Variants in LGR6 observed in about 807,000 individuals in gnomAD.
LGR6 encodes leucine rich repeat containing G protein-coupled receptor 6.
A neutral mutation model predicts 69.4 loss-of-function variants in LGR6; 45 were observed. The ratio of observed to expected loss-of-function variants is 0.65; its 90% CI spans 0.51 to 0.83. The LOEUF (loss-of-function observed/expected upper bound fraction) is 0.83. LGR6 is among the 40% of genes least tolerant of loss of function. The probability of loss-of-function intolerance (pLI) is 0.00; values close to 1 mark genes in which losing one functional copy is unlikely to be tolerated. For missense variants in LGR6, 1,108 were observed against 1,246.7 expected (o/e 0.89, Z 1.68); for synonymous variants, 538 against 555.0 (o/e 0.97, Z 0.43).
chr1:202,279,668 T>G (rs1234697257), intron 5 of LGR6, among the ~76,000 whole-genome samples: 1 of 152,260 alleles, frequency 6.6e-6, no homozygotes, highest in Non-Finnish European at 1.5e-5. Context: ...TTGGATTCTC[T>G]GCTCCAGAAA....
chr1:202,237,185 C>G (rs925923150), intron 4 of LGR6, among the ~76,000 whole-genome samples: 2 of 152,182 alleles, frequency 1.3e-5, no homozygotes, highest in African/African-American at 4.8e-5. Flanking sequence ...CAGCTTCTGC[C>G]CCCCCTTCCC....
At chr1:202,269,353 C>T (rs1664915768) in intron 4 of LGR6, among the ~76,000 whole-genome samples, 1 of 152,120 alleles carries the variant, frequency 6.6e-6, no homozygotes, top group South Asian at 2.1e-4. Context: ...AATTCAGCAA[C>T]CTGAGTTTGT....
chr1:202,306,953 T>C lies in LGR6; in HGVS notation c.1208+14T>C. On this transcript the variant is annotated intron_variant, in intron 13 of 17. Transcript: ENST00000367278. ...CCTGCAAGCCCTGTGAGTACCCACA[T>C]CCAGGGGTGGGCCATGGAGGAGCCA... The C allele has an allele frequency of 1.2e-6, 2 of 1,608,096 alleles. No individual in the cohort carries two copies. The highest frequency in any genetic ancestry group is 1.7e-6 in the Non-Finnish European group (2 of 1,174,584).
At chr1:202,226,773 G>C (rs1660585803) in intron 2 of LGR6, among the ~76,000 whole-genome samples, 1 of 152,244 alleles carries the variant, frequency 6.6e-6, no homozygotes. Context: ...TTCTGTGTAA[G>C]GGAGTGGTCA....
intron 6 of LGR6, among the ~76,000 whole-genome samples, chr1:202,286,289 A>G (rs1666388489): frequency 6.6e-6 from 1 of 152,234 alleles, no homozygotes; most frequent in African/African-American, 2.4e-5. Flanking sequence ...GCAGGGGTCC[A>G]GATGAATCTC....
intron 1 of LGR6, among the ~76,000 whole-genome samples, chr1:202,194,824 T>C (rs1658579136): frequency 6.6e-6 from 1 of 152,034 alleles, no homozygotes. Flanking sequence ...CCCAGGGGCC[T>C]CCCTAAAGTC....
At chr1:202,258,212 C>T (rs1052699917) in intron 4 of LGR6, among the ~76,000 whole-genome samples, 4 of 151,638 alleles carry the variant, frequency 2.6e-5, no homozygotes, top group African/African-American at 4.8e-5. Context: ...AATTTCTTTG[C>T]GGATTTTTAT....
chr1:202,201,796 C>G (rs539517247), intron 1 of LGR6, among the ~76,000 whole-genome samples: 3 of 152,214 alleles, frequency 2.0e-5, no homozygotes, highest in Non-Finnish European at 4.4e-5. Flanking sequence ...ATGGGGGCTA[C>G]TTGGAGGGGA....
At chr1:202,228,049 T>G in intron 3 of LGR6, 42 bp downstream of exon 3, 2 of 1,389,056 alleles carry the variant, frequency 1.4e-6, no homozygotes, top group African/African-American at 1.4e-5. Flanking sequence ...GCTGCAGCAC[T>G]GAGAATGGTG....
At chr1:202,275,096 A>G (rs12080331) in intron 4 of LGR6, among the ~76,000 whole-genome samples, 2,519 of 152,312 alleles carry the variant, frequency 0.017, 73 homozygotes, top group African/African-American at 0.057. Flanking sequence ...ATGAAAGAAT[A>G]TCACCCCATC....
intron 1 of LGR6, among the ~76,000 whole-genome samples, chr1:202,216,362 G>C (rs1205921729): frequency 6.6e-6 from 1 of 152,188 alleles, no homozygotes; most frequent in African/African-American, 2.4e-5. Flanking sequence ...GTAAGTGGCA[G>C]AGCTGGAAAT....
chr1:202,307,106 G>A (rs889593253), intron 13 of LGR6, among the ~76,000 whole-genome samples, 167 bp downstream of exon 13: 1 of 152,160 alleles, frequency 6.6e-6, no homozygotes, highest in African/African-American at 2.4e-5. Flanking sequence ...TCTCTAGCTG[G>A]CACCCAGGAG....
At chr1:202,295,027 T>G (rs1667048017) in intron 6 of LGR6, among the ~76,000 whole-genome samples, 1 of 152,084 alleles carries the variant, frequency 6.6e-6, no homozygotes, top group Non-Finnish European at 1.5e-5. Flanking sequence ...GAGATAATAA[T>G]GCAATATTAA....
chr1:202,240,944 A>G (rs1662147696), intron 4 of LGR6, among the ~76,000 whole-genome samples: 1 of 152,216 alleles, frequency 6.6e-6, no homozygotes, highest in Non-Finnish European at 1.5e-5. Flanking sequence ...TTGTCTGATT[A>G]TTCCTCACAG....
chr1:202,278,168 C>T (rs533861493), intron 5 of LGR6, among the ~76,000 whole-genome samples: 12 of 151,676 alleles, frequency 7.9e-5, no homozygotes, highest in South Asian at 2.1e-4. Context: ...GGATTGGAAC[C>T]GAGGCAGACT....
intron 16 of LGR6, among the ~76,000 whole-genome samples, chr1:202,311,585 A>C (rs1256962187): frequency 1.3e-5 from 2 of 152,234 alleles, no homozygotes; most frequent in Non-Finnish European, 2.9e-5. Context: ...GCTTAAGCCC[A>C]GGAGGCGGAG....
chr1:202,199,471 T>C (rs1352185913), intron 1 of LGR6, among the ~76,000 whole-genome samples: 1 of 152,052 alleles, frequency 6.6e-6, no homozygotes, highest in Non-Finnish European at 1.5e-5. Flanking sequence ...AAAGGAAACC[T>C]CTCGGCTCTG....
intron 1 of LGR6, among the ~76,000 whole-genome samples, chr1:202,204,599 C>T: frequency 6.9e-6 from 1 of 145,076 alleles, no homozygotes; most frequent in South Asian, 2.2e-4. Context: ...TTCAAACACA[C>T]ACACCTCCAA....
intron 9 of LGR6, 88 bp from the exon 10 acceptor site, chr1:202,303,191 C>T (rs769353427): frequency 7.7e-6 from 8 of 1,033,754 alleles, no homozygotes; most frequent in African/African-American, 1.6e-5. Context: ...AGGAGGAGTC[C>T]CGGAGGGGAG....
Sources: allele counts gnomAD v4.1 joint callset (sites outside exome capture counted in the v4.1 genomes callset), GRCh38; gene constraint gnomAD v4.1.1; transcripts MANE v1.5; gene names NCBI Gene and HGNC (gene_info 2026-07-23, HGNC 2026-07-21).